Variants in ACAP2 observed in about 807,000 individuals in gnomAD.
ACAP2 encodes arf-GAP with coiled-coil, ANK repeat and PH domain-containing protein 2.
In ACAP2, 39 loss-of-function variants were observed where a neutral mutation model predicts 115.8. The observed-to-expected ratio is 0.34, with a 90% confidence interval of 0.26 to 0.44. The LOEUF (loss-of-function observed/expected upper bound fraction) is 0.44, where lower values mean the gene tolerates loss of function less well. Ranked by LOEUF, ACAP2 falls within the 20% of genes least tolerant of loss-of-function variation. The pLI is 1.00. For synonymous variants in ACAP2, 289 were observed against 315.8 expected (o/e 0.92, Z 0.90); for missense variants, 662 against 927.6 (o/e 0.71, Z 3.72).
At chr3:195,436,760 C>T (rs1047241015) in intron 1 of ACAP2, among the ~76,000 whole-genome samples, 15 of 151,982 alleles carry the variant, frequency 9.9e-5, no homozygotes, top group Non-Finnish European at 1.9e-4. Flanking sequence ...ATTTGTCCTC[C>T]CGCACATCAC....
chr3:195,390,061 T>G (rs1734561944), intron 2 of ACAP2, among the ~76,000 whole-genome samples: 1 of 152,118 alleles, frequency 6.6e-6, no homozygotes, highest in African/African-American at 2.4e-5. Flanking sequence ...CCAGGCATAG[T>G]GGCGTGAGCC....
At chr3:195,282,816 A>T (rs548014253) in intron 22 of ACAP2, 4 of 152,354 alleles carry the variant, frequency 2.6e-5, no homozygotes, top group African/African-American at 9.6e-5. Context: ...CTAAGTTTTT[A>T]AAATGCAGAC....
At chr3:195,392,451 T>A (rs1252920988) in intron 1 of ACAP2, among the ~76,000 whole-genome samples, 1 of 152,184 alleles carries the variant, frequency 6.6e-6, no homozygotes, top group East Asian at 1.9e-4. Flanking sequence ...AAGTGAGAAA[T>A]TTTAAAAGTT....
intron 1 of ACAP2, among the ~76,000 whole-genome samples, chr3:195,420,369 G>A (rs1714079348): frequency 6.6e-6 from 1 of 151,908 alleles, no homozygotes; most frequent in African/African-American, 2.4e-5. Context: ...GTTTTTTTGA[G>A]ACGGAGTCTC....
At chr3:195,326,646 G>A (rs1729814206) in intron 9 of ACAP2, 2 of 420,234 alleles carry the variant, frequency 4.8e-6, no homozygotes, top group Non-Finnish European at 8.6e-6. Context: ...GTTCCTAAGA[G>A]ATTCAAATTT....
In ACAP2 at chr3:195,342,654, T is replaced by G. The variant is rs752473835; in HGVS notation, c.345A>C (p.Glu115Asp). ...TGGCATCTTTGAATTTTCTAAGATCTCTAAGAAAAGAAAAACTTAGTGAAA... is the reference window on the plus strand; with the variant it reads ...TGGCATCTTTGAATTTTCTAAGATCGCTAAGAAAAGAAAAACTTAGTGAAA... ...IKAQLQNFVK[E>D]DLRKFKDAKK... The change falls in exon 6 of 23, where the codon GAA becomes GAC. Residue 115 changes from glutamate to aspartate, a missense_variant and splice_region_variant. Around this residue, in one of 3 missense-constraint regions of ACAP2, gnomAD observed 401 missense variants for 604.4 expected, o/e 0.66. Transcript: ENST00000326793. The G allele has an allele frequency of 6.3e-7, 1 of 1,581,260 alleles. No homozygotes were observed. Among genetic ancestry groups the G allele is most frequent in the Non-Finnish European group, 8.5e-7 (1 of 1,170,928 alleles).
chr3:195,306,606 G>A lies in ACAP2; in HGVS notation c.1021C>T (p.Leu341Phe). 1.2e-6 allele frequency: 2 copies of A among 1,611,504 alleles called. No homozygotes were observed. Among genetic ancestry groups the A allele is most frequent in the Non-Finnish European group, 1.7e-6 (2 of 1,178,748 alleles). ...EVVSPTKSCM[L>F]QADSEKLRQA... is the part of the protein sequence containing the mutation. ...CGCAGCTTTTCGGAATCTGCCTGGAGCATGCAACTTCTAAAAGGAAATAAC... is the reference window on the plus strand; with the variant it reads ...CGCAGCTTTTCGGAATCTGCCTGGAACATGCAACTTCTAAAAGGAAATAAC... The change falls in exon 13 of 23, where the codon CTC becomes TTC. Residue 341 changes from leucine (L) to phenylalanine (F), a missense_variant. By Grantham distance (22) the Leu-to-Phe change is conservative (BLOSUM62 0). This residue lies in a region of ACAP2 where 401 missense variants were observed against 604.4 expected (regional missense o/e 0.66). Transcript: ENST00000326793.
chr3:195,293,323 T>C (rs1209709397), intron 18 of ACAP2, among the ~76,000 whole-genome samples: 4 of 152,160 alleles, frequency 2.6e-5, no homozygotes, highest in Non-Finnish European at 5.9e-5. Context: ...CTGACTCCCC[T>C]GAGTACTCTG....
chr3:195,388,758 A>C (rs549156188), intron 2 of ACAP2, among the ~76,000 whole-genome samples: 1 of 152,344 alleles, frequency 6.6e-6, no homozygotes, highest in African/African-American at 2.4e-5. Context: ...ATGGGGGCTC[A>C]CGCCTGTAAT....
intron 22 of ACAP2, among the ~76,000 whole-genome samples, chr3:195,281,638 C>T (rs973091555): frequency 6.6e-6 from 1 of 152,038 alleles, no homozygotes; most frequent in Non-Finnish European, 1.5e-5. Flanking sequence ...ATTGACATGA[C>T]TAAAATAAAA....
rs145370915 is a variant in ACAP2 at position 195,313,699 on chromosome 3, A to G, written c.858-4862T>C. ...TAGTACCTTCTATGCTCTTAGCTGT[A>G]TTTTCTATTTCAACAAAGACTGAGC... is the stretch of plus-strand genomic sequence containing the variant. On this transcript the variant is annotated intron_variant, in intron 10 of 22. Transcript: ENST00000326793. Among the ~76,000 whole-genome samples, 12 of 152,264 alleles carry G rather than the reference A, an allele frequency of 7.9e-5. No homozygotes were observed. The East Asian group carries it at 2.3e-3, about 29-fold the overall frequency.
chr3:195,329,169 A>C (rs1730011504), intron 8 of ACAP2, among the ~76,000 whole-genome samples: 1 of 152,074 alleles, frequency 6.6e-6, no homozygotes, highest in Non-Finnish European at 1.5e-5. Flanking sequence ...TCTGATGGGG[A>C]AAAAGAATAA....
Position 195,442,991 on chromosome 3 carries a change from G to C in ACAP2, c.-144C>G, listed in dbSNP as rs1290401896. 1 of 670,486 alleles carries C rather than the reference G, an allele frequency of 1.5e-6. No homozygotes were observed. The highest frequency in any genetic ancestry group is 2.6e-5 in the South Asian group (1 of 38,102). The allele number at this position is 670,486 out of a possible 1,614,324, so 41.5% of individuals were successfully genotyped here. A position where few individuals can be genotyped will look rare whatever the true frequency, so the allele number is the denominator to read the frequency against. Reference sequence around the variant, plus strand: ...AAGGGCGCCTCGCCCGCTGGTCATAGCAGCCGCGAAGACGGCGACGACTAG... The same window carrying C: ...AAGGGCGCCTCGCCCGCTGGTCATACCAGCCGCGAAGACGGCGACGACTAG... On this transcript the variant is annotated 5_prime_UTR_variant, in exon 1 of 23. Transcript: ENST00000326793.
chr3:195,339,958 T>C (rs752317513), intron 6 of ACAP2, among the ~76,000 whole-genome samples: 2 of 151,550 alleles, frequency 1.3e-5, no homozygotes, highest in Non-Finnish European at 2.9e-5. Flanking sequence ...AATGCGTAAG[T>C]AGTCTAACTG....
At chr3:195,385,643 G>A (rs1277760582) in intron 2 of ACAP2, among the ~76,000 whole-genome samples, 1 of 151,990 alleles carries the variant, frequency 6.6e-6, no homozygotes, top group African/African-American at 2.4e-5. Context: ...TGAGAATGAA[G>A]AACAATGTGG....
intron 1 of ACAP2, among the ~76,000 whole-genome samples, chr3:195,404,151 G>C (rs765242894): frequency 1.3e-5 from 2 of 151,978 alleles, no homozygotes; most frequent in Non-Finnish European, 2.9e-5. Flanking sequence ...GACCAGCCTA[G>C]GCAACATACA....
chr3:195,321,216 C>CT (rs34165362), intron 9 of ACAP2, among the ~76,000 whole-genome samples: 3,837 of 102,168 alleles, frequency 0.038, 76 homozygotes, highest in African/African-American at 0.049. Context: ...TTTATCACAA[C>CT]TTTTTTTTTT....
chr3:195,367,136 T>C (rs916215601), intron 4 of ACAP2, among the ~76,000 whole-genome samples: 2 of 151,786 alleles, frequency 1.3e-5, no homozygotes, highest in Non-Finnish European at 2.9e-5. Context: ...AACAGTGGTT[T>C]TCAAATGTTA....
At chr3:195,317,488 T>C (rs1310231144) in intron 10 of ACAP2, among the ~76,000 whole-genome samples, 1 of 152,188 alleles carries the variant, frequency 6.6e-6, no homozygotes, top group Non-Finnish European at 1.5e-5. Flanking sequence ...TGACTACTTT[T>C]TTATTTTTGG....
Sources: gnomAD v4.1 joint callset for allele counts (sites outside exome capture counted in the v4.1 genomes callset) on GRCh38, gnomAD v4.1.1 for gene constraint, gnomAD v4.1.1 regional missense constraint, MANE v1.5 for transcripts, NCBI Gene and HGNC (gene_info 2026-07-23, HGNC 2026-07-21) for gene names.